Variants in KRT25 observed in about 807,000 individuals in gnomAD.
KRT25 encodes the protein keratin 25.
KRT25 carries 37 observed loss-of-function variants against 47.6 expected under a neutral mutation model. That is an observed-to-expected ratio of 0.78 (90% confidence interval 0.60 to 1.02). The LOEUF is 1.02. Ranked by LOEUF, KRT25 falls within the 50% of genes least tolerant of loss-of-function variation. KRT25 has a pLI of 0.00. For synonymous variants in KRT25, 203 were observed against 210.2 expected (o/e 0.97, Z 0.30); for missense variants, 542 against 550.3 (o/e 0.98, Z 0.15).
intron 3 of KRT25, among the ~76,000 whole-genome samples, chr17:40,753,252 G>C (rs780264171): frequency 2.0e-5 from 3 of 151,690 alleles, no homozygotes; most frequent in Non-Finnish European, 2.9e-5. Context: ...AATGTCCAAA[G>C]CGGATCATTT....
intron 7 of KRT25, 93 bp downstream of exon 7, chr17:40,749,165 C>T: frequency 1.1e-6 from 1 of 903,206 alleles, no homozygotes; most frequent in Non-Finnish European, 1.8e-6. Flanking sequence ...ACGTGTTTAC[C>T]TATGTAACAA....
chr17:40,753,745 G>T, intron 3 of KRT25, 115 bp downstream of exon 3: 1 of 309,660 alleles, frequency 3.2e-6, no homozygotes, highest in Non-Finnish European at 6.1e-6. Context: ...CCTCATGTCT[G>T]TCTGACAATG....
In KRT25 at chr17:40,755,195, CCACCATAGAGTCTGA is replaced by C; in HGVS notation, c.62_76del (p.Leu21_Gly26delinsArg). The C allele has an allele frequency of 6.2e-7, 1 of 1,614,200 alleles. No individual in the cohort carries two copies. Among genetic ancestry groups the C allele is most frequent in the Non-Finnish European group, 8.5e-7 (1 of 1,180,036 alleles). On this transcript the variant is annotated inframe_deletion, in exon 1 of 8. Transcript: ENST00000312150. ...ATTTCCAGTACCAAAGCTGGTTCCCCCACCATAGAGTCTGAGTGATCCAGTGGTGGGACGAGGACA... is the reference window on the plus strand; with the variant it reads ...ATTTCCAGTACCAAAGCTGGTTCCCCGTGATCCAGTGGTGGGACGAGGACA...
Position 40,750,384 on chromosome 17 carries a change from C to T in KRT25, c.1171G>A (p.Asp391Asn), listed in dbSNP as rs369599639. Residue 391 changes from aspartate to asparagine, a missense_variant, in exon 6 of 8, where the codon GAT (aspartate) becomes AAT (asparagine). By Grantham distance (23) the Asp-to-Asn change is conservative. Coordinates refer to ENST00000312150, the MANE Select transcript of KRT25 (RefSeq NM_181534.4). ...ETYCLLIGGD[D>N]GACKSGGYKS... is the part of the protein sequence containing the mutation. ...TATGCAGATTATTTTACCTACCCAT[C>T]ATCTCCTCCTATAAGGAGACAGTAG... 3.1e-6 allele frequency: 5 copies of T among 1,613,570 alleles called. No individual in the cohort carries two copies. The highest frequency in any genetic ancestry group is 2.7e-5 in the African/African-American group (2 of 74,910).
chr17:40,754,579 A>G (rs1210971506), intron 1 of KRT25, 111 bp from the exon 2 acceptor site: 16 of 1,007,914 alleles, frequency 1.6e-5, no homozygotes, highest in South Asian at 1.5e-4. Flanking sequence ...GTAGGAGGGC[A>G]TGGTGGCAGG....
At chr17:40,755,462 T>A (rs1028695530), upstream of KRT25, 14 of 574,920 alleles carry the variant, frequency 2.4e-5, no homozygotes, top group Middle Eastern at 9.1e-4. Context: ...TTTTTTCTAA[T>A]TAGTAACTCA....
chr17:40,753,942 A>G lies in KRT25; in HGVS notation c.587T>C (p.Ile196Thr). The change falls in exon 3 of 8, where the codon ATA becomes ACA. Residue 196 changes from isoleucine to threonine, a missense_variant. Coordinates refer to ENST00000312150, the MANE Select transcript of KRT25 (RefSeq NM_181534.4). ...CTCCAGATCTGTTCTGCACAGGGTT[A>G]TTTCATCCAAAACTCTTCGTAACCC... ...VNGLRRVLDE[I>T]TLCRTDLEIQ... 4.3e-6 allele frequency: 7 copies of G among 1,613,974 alleles called. No homozygotes were observed. The highest frequency in any genetic ancestry group is 5.9e-6 in the Non-Finnish European group (7 of 1,179,948).
At chr17:40,750,356 A>T (rs376458902) in intron 6 of KRT25, 24 bp downstream of exon 6, 9 of 1,610,840 alleles carry the variant, frequency 5.6e-6, no homozygotes, top group Non-Finnish European at 7.6e-6. Context: ...ATATTACGCC[A>T]TCTATGCAGA....
chr17:40,748,095 T>C lies in KRT25; in HGVS notation c.*182A>G. Reference sequence around the variant, plus strand: ...TTCTGTAGGATAATCAAATGAGTCATATTTGTGTGTGGCATTCTTCTAGAT... The same window carrying C: ...TTCTGTAGGATAATCAAATGAGTCACATTTGTGTGTGGCATTCTTCTAGAT... On this transcript the variant is annotated 3_prime_UTR_variant, in exon 8 of 8. Transcript: ENST00000312150. The C allele has an allele frequency of 2.1e-6, 1 of 472,084 alleles. No individual in the cohort carries two copies. Among genetic ancestry groups the C allele is most frequent in the Non-Finnish European group, 3.7e-6 (1 of 269,258 alleles). 29.2% of individuals were successfully genotyped at this position (472,084 alleles called of 1,614,324 possible).
rs772479525 is a variant in KRT25, at chr17:40,755,007, G to T, written c.265C>A (p.Arg89Ser). 4 of 1,614,174 alleles carry T rather than the reference G, an allele frequency of 2.5e-6. No individual in the cohort carries two copies. Among genetic ancestry groups the T allele is most frequent in the African/African-American group, 1.3e-5 (1 of 75,042 alleles). Residue 89 changes from arginine to serine, a missense_variant, in exon 1 of 8, where the codon CGC becomes AGC. By Grantham distance (110) the Arg-to-Ser change is moderately radical. Coordinates refer to ENST00000312150, the MANE Select transcript of KRT25 (RefSeq NM_181534.4). ...ACACTGTCCAGGTAGGATGCCAGGC[G>T]GTCATTGAGGTTCTGCATGGTCACC... ...EKVTMQNLND[R>S]LASYLDSVHA...
chr17:40,749,309 C>A lies in KRT25; in HGVS notation c.1192G>T (p.Gly398Cys). The change falls in exon 7 of 8, where the codon GGT becomes TGT. Residue 398 changes from glycine to cysteine, a missense_variant. Coordinates refer to ENST00000312150, the MANE Select transcript of KRT25 (RefSeq NM_181534.4). ...GGDDGACKSG[G>C]YKSKDYGSGN... is the part of the protein sequence containing the mutation. ...GATCCATAATCTTTAGACTTGTAAC[C>A]CCCAGACTTACAGGCTCTGTGAAAA... is the stretch of plus-strand genomic sequence containing the variant. The A allele has an allele frequency of 6.2e-7, 1 of 1,613,308 alleles. No homozygotes were observed. The highest frequency in any genetic ancestry group is 8.5e-7 in the Non-Finnish European group (1 of 1,179,302).
At chr17:40,751,464 A>C (rs754311307) in intron 3 of KRT25, 138 bp from the exon 4 acceptor site, 52 of 877,228 alleles carry the variant, frequency 5.9e-5, no homozygotes, top group Non-Finnish European at 7.6e-5. Context: ...ACCACATTTG[A>C]TACTTCCTGT....
rs1287996756 is a variant in KRT25, at chr17:40,755,052, GC to G, written c.219del (p.Leu74SerfsTer8). Reference protein sequence around the residue: ...PCAGFTVNERGLLSGNEKVTM... With the variant: ...PCAGFTVNERXLLSGNEKVTM... ...GTCACCTTCTCATTGCCAGAAAGGAGCCCCCGCTCATTCACAGTGAAGCCAG... is the reference window on the plus strand; with the variant it reads ...GTCACCTTCTCATTGCCAGAAAGGAGCCCCGCTCATTCACAGTGAAGCCAG... On this transcript the variant is annotated frameshift_variant, in exon 1 of 8. Transcript: ENST00000312150. LOFTEE classifies it high-confidence loss of function. The G allele has an allele frequency of 5.0e-6, 8 of 1,614,032 alleles. No homozygotes were observed. In the African/African-American group the frequency reaches 9.3e-5, roughly 19 times the overall value.
At chr17:40,754,526 T>C in intron 1 of KRT25, 58 bp from the exon 2 acceptor site, 1 of 1,396,868 alleles carries the variant, frequency 7.2e-7, no homozygotes, top group South Asian at 1.2e-5. Flanking sequence ...TACTTAATGC[T>C]TATTTCTAAT....
chr17:40,753,673 G>C (rs944094691), intron 3 of KRT25, among the ~76,000 whole-genome samples, 187 bp downstream of exon 3: 1 of 104,636 alleles, frequency 9.6e-6, no homozygotes, highest in Non-Finnish European at 1.7e-5. Flanking sequence ...GGCAGAGCGA[G>C]ACTCCGTCTC....
chr17:40,750,335 C>A, intron 6 of KRT25, 45 bp downstream of exon 6: 1 of 1,588,296 alleles, frequency 6.3e-7, no homozygotes, highest in South Asian at 1.1e-5. Context: ...AAGTTGCAAG[C>A]AGATTTCAGT....
intron 3 of KRT25, among the ~76,000 whole-genome samples, chr17:40,752,444 C>T (rs189225138): frequency 1.2e-3 from 176 of 152,302 alleles, no homozygotes; most frequent in African/African-American, 4.0e-3. Context: ...GTAACTAAGG[C>T]TTTCATTCCT....
rs2038012806 is a variant in KRT25 at position 40,748,137 on chromosome 17, T to C, written c.*140A>G. ...CTTCTAGATGAATGGGGAGATGCTGTCATTGATTGCCCAGAAAGAAAGTAA... is the reference window on the plus strand; with the variant it reads ...CTTCTAGATGAATGGGGAGATGCTGCCATTGATTGCCCAGAAAGAAAGTAA... On this transcript the variant is annotated 3_prime_UTR_variant, in exon 8 of 8. Transcript: ENST00000312150. 2 of 548,756 alleles carry C rather than the reference T, an allele frequency of 3.6e-6. No homozygotes were observed. Among genetic ancestry groups the C allele is most frequent in the Non-Finnish European group, 6.4e-6 (2 of 313,216 alleles). The allele number at this position is 548,756 out of a possible 1,614,324, so 34.0% of individuals were successfully genotyped here.
upstream of KRT25, chr17:40,755,457 T>C (rs1424002882): frequency 5.1e-6 from 3 of 583,670 alleles, no homozygotes; most frequent in South Asian, 2.3e-5. Flanking sequence ...GGTGATTTTT[T>C]CTAATTAGTA....
Sources: gnomAD v4.1 joint callset for allele counts (sites outside exome capture counted in the v4.1 genomes callset) on GRCh38, gnomAD v4.1.1 for gene constraint, MANE v1.5 for transcripts, NCBI Gene and HGNC (gene_info 2026-07-23, HGNC 2026-07-21) for gene names.